NKAIN2: variants seen among roughly 807,000 people sequenced by gnomAD.
NKAIN2 encodes the protein sodium/potassium-transporting ATPase subunit beta-1-interacting protein 2.
In NKAIN2, 14 loss-of-function variants were observed where a neutral mutation model predicts 32.6. The ratio of observed to expected loss-of-function variants is 0.43; its 90% confidence interval spans 0.28 to 0.67. The LOEUF is 0.67. NKAIN2 is among the 30% of genes least tolerant of loss of function. The pLI is 0.17. For synonymous variants in NKAIN2, 80 were observed against 87.2 expected (o/e 0.92, Z 0.46); for missense variants, 198 against 258.3 (o/e 0.77, Z 1.60).
chr6:124,180,673 C>T (rs188415305), intron 1 of NKAIN2, among the ~76,000 whole-genome samples: 2 of 152,304 alleles, frequency 1.3e-5, no homozygotes, highest in East Asian at 3.9e-4. Context: ...AAAGTCTCAT[C>T]TGAGACAAGG....
At chr6:123,908,526 G>A (rs534427024) in intron 1 of NKAIN2, among the ~76,000 whole-genome samples, 7 of 152,112 alleles carry the variant, frequency 4.6e-5, no homozygotes, top group African/African-American at 1.7e-4. Flanking sequence ...GTGTTTGGTG[G>A]GATGCTCTTA....
At chr6:124,313,732 C>A (rs1014235230) in intron 2 of NKAIN2, among the ~76,000 whole-genome samples, 2 of 152,088 alleles carry the variant, frequency 1.3e-5, no homozygotes, top group Non-Finnish European at 2.9e-5. Context: ...TGGCCGGTTT[C>A]CCCATGCTGG....
At chr6:124,531,732 T>C (rs550472925) in intron 3 of NKAIN2, among the ~76,000 whole-genome samples, 102 of 152,240 alleles carry the variant, frequency 6.7e-4, no homozygotes, top group African/African-American at 2.3e-3. Context: ...TGGAGTGCAG[T>C]GGTATGATCT....
chr6:124,586,547 C>T (rs1182165947), intron 3 of NKAIN2, among the ~76,000 whole-genome samples: 1 of 151,180 alleles, frequency 6.6e-6, no homozygotes, highest in African/African-American at 2.4e-5. Flanking sequence ...CAGAGACACC[C>T]GATTTTCCCA....
chr6:124,168,802 G>A (rs1322491365), intron 1 of NKAIN2, among the ~76,000 whole-genome samples: 2 of 151,952 alleles, frequency 1.3e-5, no homozygotes, highest in Non-Finnish European at 2.9e-5. Flanking sequence ...TTTGGTTGAG[G>A]CAAAGTTTAA....
chr6:124,219,981 T>C (rs1791723910), intron 1 of NKAIN2, among the ~76,000 whole-genome samples: 1 of 152,310 alleles, frequency 6.6e-6, no homozygotes, highest in East Asian at 1.9e-4. Flanking sequence ...CATAAGCATC[T>C]TTCCATGACC....
rs138620857 is a variant in NKAIN2 at position 123,921,318 on chromosome 6, G to A, written c.54+117064G>A. ...TATAATTTATAAACTATATGTTAAA[G>A]CAAAACTCTGCCTTACTATAGCTTA... On this transcript the variant is annotated intron_variant, in intron 1 of 6. Coordinates refer to ENST00000368417, the MANE Select transcript of NKAIN2 (RefSeq NM_001040214.3). Among the ~76,000 whole-genome samples the A allele has an allele frequency of 5.6e-4, 85 of 152,230 alleles. 2 individuals carry two copies. In the East Asian group the frequency reaches 0.011, roughly 20 times the overall value.
chr6:124,603,117 A>G (rs1050833212), intron 3 of NKAIN2, among the ~76,000 whole-genome samples: 1 of 151,968 alleles, frequency 6.6e-6, no homozygotes, highest in African/African-American at 2.4e-5. Context: ...CTGTTAGGAG[A>G]TATTATCCCC....
intron 3 of NKAIN2, among the ~76,000 whole-genome samples, chr6:124,506,740 GAAAT>G (rs1432390060): frequency 4.6e-5 from 7 of 152,142 alleles, no homozygotes; most frequent in African/African-American, 1.7e-4. Context: ...AGAAGGTTAA[GAAAT>G]AAATGTACCT....
chr6:124,712,896 A>G (rs966540341), intron 4 of NKAIN2, among the ~76,000 whole-genome samples: 4 of 152,102 alleles, frequency 2.6e-5, no homozygotes, highest in African/African-American at 9.7e-5. Flanking sequence ...GCATCTCACT[A>G]TATAATAGAG....
At chr6:124,402,371 T>A (rs1019655488) in intron 3 of NKAIN2, among the ~76,000 whole-genome samples, 5 of 152,180 alleles carry the variant, frequency 3.3e-5, no homozygotes, top group Non-Finnish European at 7.3e-5. Flanking sequence ...CAGTACCATG[T>A]CCTGAAACAA....
chr6:124,105,383 A>G (rs925263976), intron 1 of NKAIN2, among the ~76,000 whole-genome samples: 6 of 152,094 alleles, frequency 3.9e-5, no homozygotes, highest in African/African-American at 1.4e-4. Context: ...TTATAAGAGG[A>G]GAGCGCCAGC....
At chr6:124,319,848 G>T (rs894472438) in intron 2 of NKAIN2, among the ~76,000 whole-genome samples, 1 of 151,864 alleles carries the variant, frequency 6.6e-6, no homozygotes, top group African/African-American at 2.4e-5. Flanking sequence ...CATTATTCTG[G>T]ATTGTTAATT....
chr6:124,768,728 G>A (rs1031404660), intron 4 of NKAIN2, among the ~76,000 whole-genome samples: 2 of 151,618 alleles, frequency 1.3e-5, no homozygotes, highest in African/African-American at 2.4e-5. Flanking sequence ...TTTTGTACCT[G>A]GGGGAAAAAA....
chr6:124,013,822 G>C (rs1479175510), intron 1 of NKAIN2, among the ~76,000 whole-genome samples: 1 of 152,196 alleles, frequency 6.6e-6, no homozygotes, highest in African/African-American at 2.4e-5. Flanking sequence ...TTAGAGAGAT[G>C]TGGCCTTTCT....
intron 1 of NKAIN2, among the ~76,000 whole-genome samples, chr6:124,248,365 G>A (rs73770379): frequency 0.027 from 4,057 of 152,044 alleles, 162 homozygotes; most frequent in African/African-American, 0.093. Flanking sequence ...CTACTGTTAA[G>A]TGGTTAATTA....
chr6:124,255,130 T>G (rs1793870394), intron 1 of NKAIN2, among the ~76,000 whole-genome samples: 1 of 152,198 alleles, frequency 6.6e-6, no homozygotes, highest in South Asian at 2.1e-4. Flanking sequence ...TGTGGCTCAT[T>G]TCTTTATAAT....
intron 4 of NKAIN2, among the ~76,000 whole-genome samples, chr6:124,756,950 T>C (rs1777994084): frequency 6.6e-6 from 1 of 152,170 alleles, no homozygotes; most frequent in South Asian, 2.1e-4. Context: ...TTTCAGTCTT[T>C]TTTTACAGGT....
At chr6:123,954,522 T>G (rs1399655689) in intron 1 of NKAIN2, among the ~76,000 whole-genome samples, 2 of 152,238 alleles carry the variant, frequency 1.3e-5, no homozygotes, top group Non-Finnish European at 2.9e-5. Flanking sequence ...GTGTCACCTC[T>G]GCGTAGGATT....
Sources: allele counts gnomAD v4.1 joint callset (sites outside exome capture counted in the v4.1 genomes callset), GRCh38; gene constraint gnomAD v4.1.1; transcripts MANE v1.5; gene names NCBI Gene and HGNC (gene_info 2026-07-23, HGNC 2026-07-21).